The following TDRP variants were observed in gnomAD, a reference collection of about 807,000 sequenced individuals.
TDRP encodes testis development related protein.
In TDRP, 12 loss-of-function variants were observed where a neutral mutation model predicts 10.5. That is an observed-to-expected ratio of 1.15 (90% CI 0.73 to 1.86). The LOEUF (loss-of-function observed/expected upper bound fraction) is 1.86. Among genes scored for constraint, TDRP ranks in the 40% most tolerant of loss-of-function variants. TDRP has a pLI of 0.00. For synonymous variants in TDRP, 139 were observed against 95.4 expected (o/e 1.46, Z -2.67); for missense variants, 353 against 229.2 (o/e 1.54, Z -3.49).
rs6992788 is a variant in TDRP at position 503,379 on chromosome 8, A to G, written c.109-8782T>C. On this transcript the variant is annotated intron_variant, in intron 1 of 2. Coordinates refer to ENST00000324079, the MANE Select transcript of TDRP (RefSeq NM_001384899.1). ...AACATGGAATCCAGAGCTGCACATC[A>G]GAACCAATGCCCACCTCTGCACGCG... is the stretch of plus-strand genomic sequence containing the variant. Among the ~76,000 whole-genome samples the G allele has an allele frequency of 1.6e-3, 237 of 148,228 alleles. 1 individual carries two copies. The highest frequency in any genetic ancestry group is 5.5e-3 in the African/African-American group (221 of 40,012).
intron 1 of TDRP, among the ~76,000 whole-genome samples, chr8:497,199 G>A (rs1359477775): frequency 3.9e-5 from 6 of 152,196 alleles, no homozygotes; most frequent in African/African-American, 1.2e-4. Context: ...GGAAGATGTG[G>A]GAATGTTTGG....
At chr8:502,699 C>T (rs930476231) in intron 1 of TDRP, among the ~76,000 whole-genome samples, 2 of 152,028 alleles carry the variant, frequency 1.3e-5, no homozygotes, top group Admixed American at 1.3e-4. Flanking sequence ...GGAACCCATG[C>T]CCACCTCAGC....
chr8:543,942 G>A (rs1287516980), intron 1 of TDRP, among the ~76,000 whole-genome samples: 1 of 126,242 alleles, frequency 7.9e-6, no homozygotes, highest in Non-Finnish European at 1.7e-5. Flanking sequence ...GGGGGAGGGG[G>A]TGGGGGAGGG....
intron 1 of TDRP, among the ~76,000 whole-genome samples, chr8:505,137 T>C (rs772507872): frequency 6.6e-6 from 1 of 152,206 alleles, no homozygotes. Context: ...TTATGTAATC[T>C]AAAACCAAAA....
At position 494,683 on chromosome 8, in the gene TDRP, A is replaced by G. The variant is rs1017430388; in HGVS notation, c.109-86T>C. The G allele has an allele frequency of 7.2e-6, 9 of 1,242,564 alleles. No individual in the cohort carries two copies. The African/African-American group carries it at 1.0e-4, about 14-fold the overall frequency. 77.0% of individuals were successfully genotyped at this position (1,242,564 alleles called of 1,614,324 possible). ...CTACTCCAATAACCATGGAGTTGAA[A>G]TTTAGAAAAAAGAATTGGCAGAGCT... On this transcript the variant is annotated intron_variant, in intron 1 of 2. Coordinates refer to ENST00000324079, the MANE Select transcript of TDRP (RefSeq NM_001384899.1).
intron 1 of TDRP, among the ~76,000 whole-genome samples, chr8:508,969 C>A (rs562589905): frequency 8.3e-4 from 127 of 152,338 alleles, no homozygotes; most frequent in Non-Finnish European, 4.1e-4. Flanking sequence ...GGGCTACAGG[C>A]CCCATGCAGG....
intron 1 of TDRP, among the ~76,000 whole-genome samples, chr8:520,330 A>T (rs1034251350): frequency 6.6e-6 from 1 of 152,154 alleles, no homozygotes; most frequent in East Asian, 1.9e-4. Context: ...CATATGTACT[A>T]TATTTTCCTT....
intron 1 of TDRP, 95 bp from the exon 2 acceptor site, chr8:494,692 A>G: frequency 8.9e-7 from 1 of 1,119,528 alleles, no homozygotes; most frequent in Non-Finnish European, 1.3e-6. Flanking sequence ...AATTTAGAAA[A>G]AAGAATTGGC....
intron 1 of TDRP, among the ~76,000 whole-genome samples, chr8:498,264 A>T (rs1341389783): frequency 6.6e-6 from 1 of 152,174 alleles, no homozygotes; most frequent in Non-Finnish European, 1.5e-5. Context: ...ATGGGGCTGT[A>T]CCCTGCAGAG....
chr8:504,384 A>G (rs1197021843), intron 1 of TDRP, among the ~76,000 whole-genome samples: 1 of 152,142 alleles, frequency 6.6e-6, no homozygotes, highest in African/African-American at 2.4e-5. Context: ...GTGCAGCAAT[A>G]AAGCATTCAC....
At chr8:503,077 C>G (rs1168627217) in intron 1 of TDRP, among the ~76,000 whole-genome samples, 1 of 151,958 alleles carries the variant, frequency 6.6e-6, no homozygotes, top group Non-Finnish European at 1.5e-5. Flanking sequence ...GTGCCCACCT[C>G]AGCATGTGTC....
chr8:506,417 C>A (rs972317284), intron 1 of TDRP, among the ~76,000 whole-genome samples: 20 of 152,158 alleles, frequency 1.3e-4, no homozygotes, highest in African/African-American at 4.6e-4. Flanking sequence ...CCAGGAGGAA[C>A]TGGACTTCAG....
intron 1 of TDRP, among the ~76,000 whole-genome samples, chr8:500,973 A>AGAGCACTCTGGGAGGCCG (rs1801276105): frequency 6.6e-6 from 1 of 151,668 alleles, no homozygotes; most frequent in Non-Finnish European, 1.5e-5. Context: ...CTGGGAGGCC[A>AGAGCACTCTGGGAGGCCG]AGGTGGGTGG....
intron 1 of TDRP, among the ~76,000 whole-genome samples, chr8:498,673 G>A (rs1428369781): frequency 1.3e-5 from 2 of 152,084 alleles, no homozygotes; most frequent in Non-Finnish European, 2.9e-5. Flanking sequence ...AATGTAAGAA[G>A]AACATTACAT....
At chr8:542,857 C>T (rs373072892) in intron 1 of TDRP, among the ~76,000 whole-genome samples, 1 of 105,766 alleles carries the variant, frequency 9.5e-6, no homozygotes, top group African/African-American at 4.1e-5. Flanking sequence ...AACTTCATCT[C>T]AAAAAAAAAA....
intron 1 of TDRP, among the ~76,000 whole-genome samples, chr8:503,764 C>G (rs147572858): frequency 6.7e-6 from 1 of 148,812 alleles, no homozygotes; most frequent in African/African-American, 2.5e-5. Context: ...CGCATCAACA[C>G]GGAATCCAGA....
chr8:526,251 G>T (rs778817479), intron 1 of TDRP, among the ~76,000 whole-genome samples: 2 of 152,126 alleles, frequency 1.3e-5, no homozygotes, highest in African/African-American at 4.8e-5. Context: ...GCCCATCTCA[G>T]CCTATCAAAG....
chr8:511,286 A>C (rs1429361733), intron 1 of TDRP, among the ~76,000 whole-genome samples: 2 of 152,094 alleles, frequency 1.3e-5, no homozygotes, highest in Non-Finnish European at 2.9e-5. Context: ...AAAGGAAGGA[A>C]ACAGAGATAT....
At chr8:518,779 A>G (rs1013458792) in intron 1 of TDRP, among the ~76,000 whole-genome samples, 2 of 152,308 alleles carry the variant, frequency 1.3e-5, no homozygotes, top group South Asian at 4.1e-4. Flanking sequence ...TTAGCTTAAA[A>G]GGTCATTTAC....
Sources: allele counts gnomAD v4.1 joint callset (sites outside exome capture counted in the v4.1 genomes callset), GRCh38; gene constraint gnomAD v4.1.1; transcripts MANE v1.5; gene names NCBI Gene and HGNC (gene_info 2026-07-23, HGNC 2026-07-21).